RYR2: variants seen among roughly 807,000 people sequenced by gnomAD.
RYR2 encodes the protein ryanodine receptor 2.
A neutral mutation model predicts 601.1 loss-of-function variants in RYR2; 227 were observed. The observed-to-expected ratio is 0.38, with a 90% CI of 0.34 to 0.42. The LOEUF (loss-of-function observed/expected upper bound fraction) is 0.42, where lower values mean the gene tolerates loss of function less well. RYR2 is among the 10% of genes least tolerant of loss of function. The pLI is 1.00. For missense variants in RYR2, 4,646 were observed against 6,156.5 expected (o/e 0.75, Z 8.21); for synonymous variants, 2,223 against 2,175.1 (o/e 1.02, Z -0.61).
chr1:237,618,448 G>A (rs1678717253), intron 38 of RYR2, among the ~76,000 whole-genome samples: 1 of 152,294 alleles, frequency 6.6e-6, no homozygotes, highest in African/African-American at 2.4e-5. Context: ...GAGAGAAGAA[G>A]AGAGGTTGGC....
intron 10 of RYR2, among the ~76,000 whole-genome samples, chr1:237,396,029 C>T (rs760550273): frequency 1.5e-4 from 23 of 152,192 alleles, no homozygotes; most frequent in Non-Finnish European, 2.8e-4. Context: ...GCTATTGTTT[C>T]GTATTTGTGA....
At chr1:237,738,663 C>CT (rs1393710880) in intron 79 of RYR2, among the ~76,000 whole-genome samples, 2 of 152,164 alleles carry the variant, frequency 1.3e-5, no homozygotes, top group East Asian at 1.9e-4. Flanking sequence ...TTCCTCCATA[C>CT]TTTTTTGTGC....
At chr1:237,216,058 T>C (rs80274240) in intron 1 of RYR2, among the ~76,000 whole-genome samples, 1 of 152,322 alleles carries the variant, frequency 6.6e-6, no homozygotes, top group East Asian at 1.9e-4. Flanking sequence ...AAATTAACGA[T>C]ATTTAACTAA....
intron 84 of RYR2, among the ~76,000 whole-genome samples, chr1:237,765,562 C>A (rs1693786564): frequency 6.6e-6 from 1 of 152,152 alleles, no homozygotes; most frequent in African/African-American, 2.4e-5. Flanking sequence ...ATTGATTAAG[C>A]AAAGAGATTG....
At chr1:237,653,826 A>G (rs1352499982) in intron 51 of RYR2, among the ~76,000 whole-genome samples, 1 of 152,188 alleles carries the variant, frequency 6.6e-6, no homozygotes, top group Admixed American at 6.6e-5. Context: ...CCAGAAGCTG[A>G]AGGACTTGGA....
At chr1:237,662,143 T>G (rs1445870550) in intron 56 of RYR2, among the ~76,000 whole-genome samples, 1 of 152,134 alleles carries the variant, frequency 6.6e-6, no homozygotes, top group Non-Finnish European at 1.5e-5. Context: ...TTGACCTTGG[T>G]CAAATTTTAA....
chr1:237,048,738 C>T (rs1009281810), intron 1 of RYR2, among the ~76,000 whole-genome samples: 2 of 152,126 alleles, frequency 1.3e-5, no homozygotes, highest in Non-Finnish European at 2.9e-5. Flanking sequence ...GACCCTGATG[C>T]TCTGTGGGTG....
intron 1 of RYR2, among the ~76,000 whole-genome samples, chr1:237,068,008 T>C (rs543399666): frequency 7.7e-4 from 117 of 151,952 alleles, no homozygotes; most frequent in African/African-American, 2.8e-3. Context: ...CAACATTGCA[T>C]ACCTTGATTT....
At chr1:237,465,405 G>C (rs1212794167) in intron 16 of RYR2, among the ~76,000 whole-genome samples, 2 of 151,974 alleles carry the variant, frequency 1.3e-5, no homozygotes, top group Non-Finnish European at 2.9e-5. Context: ...AGTTCCTCTT[G>C]TTTTGTGATG....
intron 1 of RYR2, among the ~76,000 whole-genome samples, chr1:237,164,195 G>C (rs1676365588): frequency 6.6e-6 from 1 of 152,254 alleles, no homozygotes; most frequent in Admixed American, 6.5e-5. Flanking sequence ...GCTGAGGCGA[G>C]AGAATCGCTT....
chr1:237,704,568 T>A (rs756301665), intron 66 of RYR2, among the ~76,000 whole-genome samples: 4 of 152,102 alleles, frequency 2.6e-5, no homozygotes, highest in Non-Finnish European at 5.9e-5. Flanking sequence ...AATTCCTTCT[T>A]ATTGCTGTAG....
intron 100 of RYR2, among the ~76,000 whole-genome samples, chr1:237,810,037 A>G (rs899374009): frequency 2.0e-5 from 3 of 152,196 alleles, no homozygotes; most frequent in Non-Finnish European, 2.9e-5. Flanking sequence ...GCATATTTTA[A>G]TGCAATAAGA....
intron 6 of RYR2, among the ~76,000 whole-genome samples, chr1:237,372,974 A>G (rs886751317): frequency 7.2e-5 from 11 of 152,230 alleles, no homozygotes; most frequent in Admixed American, 2.0e-4. Flanking sequence ...CAGAGTTACT[A>G]GAAACATTAA....
At chr1:237,641,122 AG>A in intron 47 of RYR2, 120 bp downstream of exon 47, 1 of 602,324 alleles carries the variant, frequency 1.7e-6, no homozygotes, top group South Asian at 3.2e-5. Context: ...TAAAAATAAT[AG>A]CTGCAGTCTA....
At chr1:237,803,462 G>T (rs1464557864) in intron 98 of RYR2, among the ~76,000 whole-genome samples, 2 of 151,958 alleles carry the variant, frequency 1.3e-5, no homozygotes, top group East Asian at 3.9e-4. Context: ...CACCACGCCC[G>T]GCTAATTTTT....
intron 42 of RYR2, among the ~76,000 whole-genome samples, chr1:237,631,775 C>G (rs1002936972): frequency 1.3e-5 from 2 of 151,494 alleles, no homozygotes; most frequent in South Asian, 4.2e-4. Context: ...TTAGAGGCGC[C>G]CGCCACCTCG....
intron 32 of RYR2, among the ~76,000 whole-genome samples, chr1:237,593,055 T>C (rs1161897942): frequency 1.3e-5 from 2 of 150,936 alleles, no homozygotes; most frequent in Non-Finnish European, 2.9e-5. Context: ...TAGATTTGCA[T>C]ACATGTATAA....
rs545304586 is a variant in RYR2 at position 237,570,570 on chromosome 1, C to T, written c.3598+1251C>T. On this transcript the variant is annotated intron_variant, in intron 29 of 104. Transcript: ENST00000366574. The stretch of plus-strand genomic sequence containing the variant: ...GCCAGGCTGGTCTCGAATTGCTGAC[C>T]TCAGGTGATCCACCCACCTCAGTCC... 2.5e-4 allele frequency among the ~76,000 whole-genome samples: 38 copies of T among 152,044 alleles called. 2 individuals carry two copies. The South Asian group carries it at 7.7e-3, about 31-fold the overall frequency.
chr1:237,547,617 A>G (rs775502194), intron 25 of RYR2, among the ~76,000 whole-genome samples: 6 of 152,292 alleles, frequency 3.9e-5, no homozygotes, highest in African/African-American at 9.6e-5. Context: ...CTTTGTGCCA[A>G]TCTCAGTAGT....
Sources: gnomAD v4.1 joint callset for allele counts (sites outside exome capture counted in the v4.1 genomes callset) on GRCh38, gnomAD v4.1.1 for gene constraint, MANE v1.5 for transcripts, NCBI Gene and HGNC (gene_info 2026-07-23, HGNC 2026-07-21) for gene names.